NUP153: variants seen among roughly 807,000 people sequenced by gnomAD.
NUP153 encodes the protein nucleoporin 153, also known as nuclear pore complex protein Nup153.
NUP153 carries 27 observed loss-of-function variants against 134.6 expected under a neutral mutation model. That is an observed-to-expected ratio of 0.20 (90% CI 0.15 to 0.28). The LOEUF is 0.28. Among genes scored for constraint, NUP153 ranks in the 10% least tolerant of loss-of-function variants. The pLI, the probability that NUP153 is intolerant of heterozygous loss-of-function variation, is 1.00. For synonymous variants in NUP153, 640 were observed against 623.5 expected, an observed-to-expected ratio of 1.03 and a Z score of -0.40; for missense variants, 1,821 against 1,731.3, an observed-to-expected ratio of 1.05 and a Z score of -0.92.
At chr6:17,697,794 G>T (rs1257726117) in intron 1 of NUP153, among the ~76,000 whole-genome samples, 1 of 151,846 alleles carries the variant, frequency 6.6e-6, no homozygotes. Flanking sequence ...CACTAACTCA[G>T]AAACAGCTGG....
At chr6:17,660,673 C>T (rs539303607) in intron 11 of NUP153, among the ~76,000 whole-genome samples, 2 of 151,988 alleles carry the variant, frequency 1.3e-5, no homozygotes, top group Non-Finnish European at 1.5e-5. Flanking sequence ...AAAAAACACA[C>T]AAAAGGATGC....
At chr6:17,618,560 CTCTTTTT>C (rs1430857953) in intron 20 of NUP153, among the ~76,000 whole-genome samples, 118 of 105,024 alleles carry the variant, frequency 1.1e-3, no homozygotes, top group Non-Finnish European at 1.1e-3. Context: ...GTTAAAATCT[CTCTTTTT>C]TTTTTTTTTT....
chr6:17,622,077 A>G (rs1280610021), intron 20 of NUP153, among the ~76,000 whole-genome samples: 1 of 152,180 alleles, frequency 6.6e-6, no homozygotes, highest in Non-Finnish European at 1.5e-5. Flanking sequence ...GACCTTCACT[A>G]GACTTTGTAG....
chr6:17,651,798 G>A, intron 11 of NUP153: 1 of 562,560 alleles, frequency 1.8e-6, no homozygotes, highest in Non-Finnish European at 3.4e-6. Flanking sequence ...CAAAATCCAT[G>A]AAACAAAAAT....
intron 14 of NUP153, among the ~76,000 whole-genome samples, chr6:17,644,891 C>T (rs937905985): frequency 2.6e-5 from 4 of 152,104 alleles, no homozygotes; most frequent in Non-Finnish European, 5.9e-5. Context: ...CGAGACCATC[C>T]GAGCTAACAT....
In NUP153 at chr6:17,625,830, G is replaced by A. The variant is rs761857620; in HGVS notation, c.3879C>T (p.Ala1293=). 1 of 1,613,620 alleles carries A rather than the reference G, an allele frequency of 6.2e-7. No homozygotes were observed. Among genetic ancestry groups the A allele is most frequent in the African/African-American group, 1.3e-5 (1 of 74,926 alleles). ...NTTTSGFGFG[A]TTTSSSAGSS... ...TACCTGCAGAGCTAGATGTGGTTGT[G>A]GCTCCAAAGCCGAAACCAGAGGTGG... Residue 1293 remains alanine (A), a synonymous_variant, in exon 19 of 22, where the codon GCC becomes GCT. Coordinates refer to ENST00000262077, the MANE Select transcript of NUP153 (RefSeq NM_005124.4). The surrounding 1 kb of genome is among the most constrained non-coding windows in gnomAD (Gnocchi z 4.7).
At chr6:17,652,587 T>C (rs1426420602) in intron 11 of NUP153, among the ~76,000 whole-genome samples, 1 of 152,172 alleles carries the variant, frequency 6.6e-6, no homozygotes, top group Admixed American at 6.5e-5. Flanking sequence ...CCAGTCTTCA[T>C]AAAATTTAGA....
At position 17,706,840 on chromosome 6, in the gene NUP153, CCGTCGT is replaced by C. The variant is rs893041007; in HGVS notation, c.-459_-454del. On this transcript the variant is annotated 5_prime_UTR_variant, in exon 1 of 22. Coordinates refer to ENST00000262077, the MANE Select transcript of NUP153 (RefSeq NM_005124.4). The surrounding 1 kb of genome is among the most constrained non-coding windows in gnomAD (Gnocchi z 5.9). Reference sequence around the variant, plus strand: ...TGTGCGCACAGCGCCCGCCCCGCCGCCGTCGTCGTCGTCGTCCCTGCAGCCTCCGCC... The same window carrying C: ...TGTGCGCACAGCGCCCGCCCCGCCGCCGTCGTCGTCCCTGCAGCCTCCGCC... 53 of 171,988 alleles carry C rather than the reference CCGTCGT, an allele frequency of 3.1e-4. No individual in the cohort carries two copies. Among genetic ancestry groups the C allele is most frequent in the Admixed American group, 6.7e-4 (11 of 16,358 alleles). The allele number at this position is 171,988 out of a possible 1,614,324, so 10.7% of individuals were successfully genotyped here.
At chr6:17,644,579 C>T (rs1311000833) in intron 14 of NUP153, among the ~76,000 whole-genome samples, 16 of 152,130 alleles carry the variant, frequency 1.1e-4, no homozygotes, top group Admixed American at 6.5e-5. Flanking sequence ...GCTCAAAATT[C>T]TTGACCTGAG....
chr6:17,692,920 T>C (rs1469814647), intron 1 of NUP153, among the ~76,000 whole-genome samples: 1 of 152,168 alleles, frequency 6.6e-6, no homozygotes, highest in Non-Finnish European at 1.5e-5. Context: ...AGGCTTAATC[T>C]TCAGTTATCT....
At position 17,638,226 on chromosome 6, in the gene NUP153, T is replaced by C. The variant is rs2113785438; in HGVS notation, c.1847-456A>G. Among the ~76,000 whole-genome samples the C allele has an allele frequency of 6.6e-6, 1 of 152,298 alleles. No individual in the cohort carries two copies. The highest frequency in any genetic ancestry group is 1.5e-5 in the Non-Finnish European group (1 of 68,008). On this transcript the variant is annotated intron_variant, in intron 15 of 21. Coordinates refer to ENST00000262077, the MANE Select transcript of NUP153 (RefSeq NM_005124.4). This position sits in a 1 kb window ranked among gnomAD's most constrained non-coding sequence, Gnocchi z 4.0. ...GTCCAGTCATAACCTACTGCTGTGG[T>C]ATTCTCTACCTTCAGTAAAATCAGC...
intron 1 of NUP153, among the ~76,000 whole-genome samples, chr6:17,703,883 C>G (rs940916944): frequency 2.6e-5 from 4 of 152,130 alleles, no homozygotes; most frequent in African/African-American, 7.2e-5. Flanking sequence ...AGATTTAAAA[C>G]AAAACTACAC....
intron 5 of NUP153, among the ~76,000 whole-genome samples, chr6:17,673,995 A>G (rs939622316): frequency 2.0e-5 from 3 of 152,234 alleles, no homozygotes; most frequent in African/African-American, 7.2e-5. Context: ...CATACTACTC[A>G]GCAATAAAAA....
At chr6:17,641,308 G>A (rs550349116) in intron 14 of NUP153, among the ~76,000 whole-genome samples, 3 of 151,994 alleles carry the variant, frequency 2.0e-5, no homozygotes, top group East Asian at 2.0e-4. Flanking sequence ...AGGCCAAGGC[G>A]GGCAGATCAC....
Position 17,647,876 on chromosome 6 carries a change from G to A in NUP153, c.1563C>T (p.Gly521=), listed in dbSNP as rs1011121263. The A allele has an allele frequency of 1.2e-6, 2 of 1,613,054 alleles. No homozygotes were observed. The highest frequency in any genetic ancestry group is 1.1e-5 in the South Asian group (1 of 91,028). ...KVQMTSPSST[G]SPMFKFSSPI... is the part of the protein sequence containing the mutation. The stretch of plus-strand genomic sequence containing the variant: ...GAGATGAAAATTTAAACATGGGACT[G>A]CCAGTGCTGCTCGGAGAGGTCATTT... Residue 521 remains glycine, a synonymous_variant, in exon 13 of 22, where the codon GGC becomes GGT. Transcript: ENST00000262077.
intron 1 of NUP153, among the ~76,000 whole-genome samples, chr6:17,697,169 GA>G (rs1272240879): frequency 6.6e-6 from 1 of 152,144 alleles, no homozygotes; most frequent in Non-Finnish European, 1.5e-5. Context: ...AGGATTAAAG[GA>G]GTGAATTTTA....
At chr6:17,693,731 C>G (rs1276766302) in intron 1 of NUP153, among the ~76,000 whole-genome samples, 1 of 152,078 alleles carries the variant, frequency 6.6e-6, no homozygotes, top group African/African-American at 2.4e-5. Flanking sequence ...ACTAAAAATA[C>G]AAAAATTAGC....
Position 17,675,130 on chromosome 6 carries a change from G to A in NUP153, c.724-97C>T. On this transcript the variant is annotated intron_variant, in intron 4 of 21. Coordinates refer to ENST00000262077, the MANE Select transcript of NUP153 (RefSeq NM_005124.4). This position sits in a 1 kb window ranked among gnomAD's most constrained non-coding sequence, Gnocchi z 4.4. ...CATGCTGCTACACACTCAAGCCTGG[G>A]CAACAGCAAAAGACTCTTGTCTCAG... 1.3e-6 allele frequency: 2 copies of A among 1,543,170 alleles called. No homozygotes were observed. The highest frequency in any genetic ancestry group is 1.8e-6 in the Non-Finnish European group (2 of 1,136,770).
At chr6:17,656,400 G>A (rs1766823640) in intron 11 of NUP153, among the ~76,000 whole-genome samples, 1 of 152,172 alleles carries the variant, frequency 6.6e-6, no homozygotes, top group African/African-American at 2.4e-5. Context: ...AAGAGGGGAG[G>A]AGGTGATACA....
Sources: allele counts gnomAD v4.1 joint callset (sites outside exome capture counted in the v4.1 genomes callset), GRCh38; gene constraint gnomAD v4.1.1; non-coding constraint Gnocchi (gnomAD v3.1); transcripts MANE v1.5; gene names NCBI Gene and HGNC (gene_info 2026-07-23, HGNC 2026-07-21).